The following NELL2 variants were observed in gnomAD, a reference collection of about 807,000 sequenced individuals.
NELL2 encodes protein kinase C-binding protein NELL2.
In NELL2, 41 loss-of-function variants were observed where a neutral mutation model predicts 109.6. The observed-to-expected ratio is 0.37, with a 90% CI of 0.29 to 0.49. The LOEUF (loss-of-function observed/expected upper bound fraction) is 0.49. Ranked by LOEUF, NELL2 falls within the 20% of genes least tolerant of loss-of-function variation. NELL2 has a pLI of 0.98. For missense variants in NELL2, 900 were observed against 1,008.3 expected (o/e 0.89, Z 1.45); for synonymous variants, 355 against 344.7 (o/e 1.03, Z -0.33).
intron 9 of NELL2, among the ~76,000 whole-genome samples, chr12:44,721,359 T>C (rs901885761): frequency 6.6e-5 from 10 of 152,158 alleles, no homozygotes; most frequent in African/African-American, 2.4e-4. Context: ...GAGGTAAAGA[T>C]TTAGAGGAAA....
rs1180131785 is a variant in NELL2, at chr12:44,508,620, G to C, written c.*314C>G. Reference sequence around the variant, plus strand: ...AAAATTTTCTGCACCAGTGAAGCTAGAGGCTTTCACAGATCCAATGGGCTC... The same window carrying C: ...AAAATTTTCTGCACCAGTGAAGCTACAGGCTTTCACAGATCCAATGGGCTC... On this transcript the variant is annotated 3_prime_UTR_variant, in exon 20 of 20. Transcript: ENST00000429094. The C allele has an allele frequency of 9.7e-5, 21 of 217,510 alleles. No homozygotes were observed. The highest frequency in any genetic ancestry group is 1.6e-4 in the Non-Finnish European group (18 of 110,852). The allele number at this position is 217,510 out of a possible 1,614,324, so 13.5% of individuals were successfully genotyped here.
chr12:44,897,822 A>G (rs1945612267), intron 1 of NELL2, among the ~76,000 whole-genome samples: 1 of 151,936 alleles, frequency 6.6e-6, no homozygotes, highest in Non-Finnish European at 1.5e-5. Flanking sequence ...GGACTTGCTC[A>G]GTGGATCCCA....
Position 44,508,722 on chromosome 12 carries a change from G to A in NELL2, c.*212C>T, listed in dbSNP as rs913396661. On this transcript the variant is annotated 3_prime_UTR_variant, in exon 20 of 20. Coordinates refer to ENST00000429094, the MANE Select transcript of NELL2 (RefSeq NM_001145108.2). ...CTTCTACATGGTGATGTGAGACACA[G>A]TAGAGGCAGACTTGAGGTCTAATTT... The A allele has an allele frequency of 1.2e-5, 7 of 566,326 alleles. No homozygotes were observed. The highest frequency in any genetic ancestry group is 1.1e-4 in the African/African-American group (6 of 52,540). 35.1% of individuals were successfully genotyped at this position (566,326 alleles called of 1,614,324 possible).
intron 15 of NELL2, among the ~76,000 whole-genome samples, chr12:44,597,534 C>T: frequency 6.6e-6 from 1 of 152,190 alleles, no homozygotes; most frequent in East Asian, 1.9e-4. Context: ...ATACTTTTGG[C>T]TCATACTTAA....
At chr12:44,652,404 C>A (rs1220001217) in intron 13 of NELL2, among the ~76,000 whole-genome samples, 1 of 152,048 alleles carries the variant, frequency 6.6e-6, no homozygotes. Context: ...TGGAAACAGA[C>A]AATGAAAATG....
chr12:44,918,093 T>C (rs1026546640), upstream of NELL2, among the ~76,000 whole-genome samples: 2 of 152,222 alleles, frequency 1.3e-5, no homozygotes, highest in Non-Finnish European at 2.9e-5. Context: ...AAATTTTCTT[T>C]AACATGTGGC....
At chr12:44,710,337 T>TG in intron 11 of NELL2, among the ~76,000 whole-genome samples, 1 of 152,308 alleles carries the variant, frequency 6.6e-6, no homozygotes, top group African/African-American at 2.4e-5. Context: ...GTAGCTTATT[T>TG]GGGGCAGTTT....
At chr12:44,906,124 G>A (rs981900087) in intron 1 of NELL2, among the ~76,000 whole-genome samples, 1 of 152,038 alleles carries the variant, frequency 6.6e-6, no homozygotes, top group Non-Finnish European at 1.5e-5. Flanking sequence ...AAGGAGGCAA[G>A]GAGGTGAGCT....
intron 15 of NELL2, among the ~76,000 whole-genome samples, chr12:44,605,983 A>G (rs901977830): frequency 6.6e-6 from 1 of 152,146 alleles, no homozygotes; most frequent in Admixed American, 6.6e-5. Flanking sequence ...ATCAATCTCT[A>G]TAGGTGACTC....
intron 12 of NELL2, among the ~76,000 whole-genome samples, chr12:44,687,381 T>C (rs1179017470): frequency 6.6e-6 from 1 of 152,234 alleles, no homozygotes; most frequent in Non-Finnish European, 1.5e-5. Flanking sequence ...TCCCTCACGC[T>C]GGGAGCTGTA....
chr12:44,641,566 A>T (rs1946855751), intron 13 of NELL2, among the ~76,000 whole-genome samples: 1 of 152,052 alleles, frequency 6.6e-6, no homozygotes, highest in Non-Finnish European at 1.5e-5. Flanking sequence ...AAAGAAAAAA[A>T]CCCCATAAAT....
intron 2 of NELL2, among the ~76,000 whole-genome samples, chr12:44,848,731 G>C (rs548694118): frequency 6.6e-6 from 1 of 152,256 alleles, no homozygotes; most frequent in East Asian, 1.9e-4. Context: ...TCAATAGACT[G>C]ATCACTACTT....
intron 1 of NELL2, among the ~76,000 whole-genome samples, chr12:44,892,496 A>G (rs2136870637): frequency 6.6e-6 from 1 of 152,254 alleles, no homozygotes; most frequent in South Asian, 2.1e-4. Context: ...TTATCAAACT[A>G]TTACTGATGA....
chr12:44,738,108 C>T (rs1364057198), intron 9 of NELL2, among the ~76,000 whole-genome samples: 1 of 152,156 alleles, frequency 6.6e-6, no homozygotes, highest in African/African-American at 2.4e-5. Context: ...ACCCACAGCA[C>T]TTGAACATAT....
rs545271142 is a variant in NELL2, at chr12:44,909,434, A to G, written c.38+4365T>C. Reference sequence around the variant, plus strand: ...AAAAAAAAATGTTGAGAGAAACCACAGATGACACAAACAAATGGAAATATA... The same window carrying G: ...AAAAAAAAATGTTGAGAGAAACCACGGATGACACAAACAAATGGAAATATA... On this transcript the variant is annotated intron_variant, in intron 1 of 20. Transcript: ENST00000333837. Among the ~76,000 whole-genome samples, 4 of 151,986 alleles carry G rather than the reference A, an allele frequency of 2.6e-5. No individual in the cohort carries two copies. The East Asian group carries it at 7.7e-4, about 29-fold the overall frequency.
At chr12:44,652,508 G>A (rs1211784115) in intron 13 of NELL2, among the ~76,000 whole-genome samples, 1 of 152,160 alleles carries the variant, frequency 6.6e-6, no homozygotes, top group African/African-American at 2.4e-5. Flanking sequence ...AGGCATAAAT[G>A]TGAACTGAAT....
chr12:44,601,295 T>A (rs1945211513), intron 15 of NELL2, among the ~76,000 whole-genome samples: 1 of 152,112 alleles, frequency 6.6e-6, no homozygotes, highest in South Asian at 2.1e-4. Flanking sequence ...TGAGTTAGAT[T>A]TTTTCCAATT....
At chr12:44,604,895 G>T (rs1344509417) in intron 15 of NELL2, among the ~76,000 whole-genome samples, 1 of 152,100 alleles carries the variant, frequency 6.6e-6, no homozygotes, top group Non-Finnish European at 1.5e-5. Flanking sequence ...GACCAGAATA[G>T]AAAAAATGGA....
chr12:44,853,858 T>G (rs1282419294), intron 2 of NELL2, among the ~76,000 whole-genome samples: 1 of 152,172 alleles, frequency 6.6e-6, no homozygotes, highest in Non-Finnish European at 1.5e-5. Flanking sequence ...CATGTCCTCC[T>G]CCAAACAAAG....
Sources: allele counts gnomAD v4.1 joint callset (sites outside exome capture counted in the v4.1 genomes callset), GRCh38; gene constraint gnomAD v4.1.1; transcripts MANE v1.5; gene names NCBI Gene and HGNC (gene_info 2026-07-23, HGNC 2026-07-21).